FREM1: variants seen among roughly 807,000 people sequenced by gnomAD.
FREM1 encodes FRAS1 related extracellular matrix 1.
A neutral mutation model predicts 210.1 loss-of-function variants in FREM1; 220 were observed. That is an observed-to-expected ratio of 1.05 (90% CI 0.94 to 1.17). The LOEUF is 1.17. FREM1 is among the 50% of genes most tolerant of loss of function. The pLI, the probability that FREM1 is intolerant of heterozygous loss-of-function variation, is 0.00. For missense variants in FREM1, 3,454 were observed against 2,675.5 expected (o/e 1.29, Z -6.42); for synonymous variants, 1,189 against 980.2 (o/e 1.21, Z -3.98).
intron 8 of FREM1, among the ~76,000 whole-genome samples, chr9:14,843,217 G>C (rs1218339921): frequency 6.6e-6 from 1 of 152,100 alleles, no homozygotes; most frequent in South Asian, 2.1e-4. Context: ...TTGGGCCTTT[G>C]AACTCTGGAA....
At chr9:14,900,676 C>T (rs1316525767) in intron 1 of FREM1, among the ~76,000 whole-genome samples, 1 of 152,180 alleles carries the variant, frequency 6.6e-6, no homozygotes, top group African/African-American at 2.4e-5. Context: ...AGGGAGGCAT[C>T]ATGAGCAAAC....
intron 1 of FREM1, among the ~76,000 whole-genome samples, chr9:14,882,930 G>GAAAAAAAAAAAAAAAAA (rs1835070082): frequency 8.7e-4 from 15 of 17,168 alleles, no homozygotes; most frequent in African/African-American, 2.2e-3. Context: ...AAAAAAAAAG[G>GAAAAAAAAAAAAAAAAA]AATCACCCAT....
At chr9:14,803,336 T>TCC (rs1817707838) in intron 19 of FREM1, among the ~76,000 whole-genome samples, 3 of 80,300 alleles carry the variant, frequency 3.7e-5, no homozygotes, top group East Asian at 3.8e-4. Context: ...TCCCCTACCC[T>TCC]CCTCCTTCCT....
intron 8 of FREM1, among the ~76,000 whole-genome samples, chr9:14,845,169 T>G (rs568939881): frequency 2.0e-5 from 3 of 152,350 alleles, no homozygotes; most frequent in Admixed American, 2.0e-4. Flanking sequence ...GTGTAAATAT[T>G]ACTTTTATTA....
chr9:14,804,490 C>A (rs1308386223), intron 19 of FREM1, among the ~76,000 whole-genome samples: 2 of 152,170 alleles, frequency 1.3e-5, no homozygotes, highest in African/African-American at 2.4e-5. Flanking sequence ...GAGGCTGAGG[C>A]AGGAGAATGG....
At chr9:14,879,505 G>C (rs961998770) in intron 1 of FREM1, among the ~76,000 whole-genome samples, 1 of 152,168 alleles carries the variant, frequency 6.6e-6, no homozygotes, top group African/African-American at 2.4e-5. Flanking sequence ...AGAGATAAAA[G>C]CAACGTCTAC....
At chr9:14,902,478 T>C (rs745674251) in intron 1 of FREM1, among the ~76,000 whole-genome samples, 1 of 152,144 alleles carries the variant, frequency 6.6e-6, no homozygotes, top group Non-Finnish European at 1.5e-5. Flanking sequence ...AAAAGCAACT[T>C]ACAAAGCCAC....
intron 4 of FREM1, among the ~76,000 whole-genome samples, chr9:14,858,720 T>C (rs1402625491): frequency 6.6e-6 from 1 of 152,130 alleles, no homozygotes; most frequent in Non-Finnish European, 1.5e-5. Flanking sequence ...CATAAACTCT[T>C]CCTAATTTCG....
Position 14,863,997 on chromosome 9 carries a change from T to C in FREM1, c.235-94A>G. 3 of 761,810 alleles carry C rather than the reference T, an allele frequency of 3.9e-6. No homozygotes were observed. In the South Asian group the frequency reaches 4.4e-5, roughly 11 times the overall value. The allele number at this position is 761,810 out of a possible 1,614,324, so 47.2% of individuals were successfully genotyped here. On this transcript the variant is annotated intron_variant, in intron 2 of 36. Coordinates refer to ENST00000380880, the MANE Select transcript of FREM1 (RefSeq NM_001379081.2). ...AGAGCACTGCCTGGAGAAAATATGCTCTGTTAGTAATGTGTGTATGTGTGT... is the reference window on the plus strand; with the variant it reads ...AGAGCACTGCCTGGAGAAAATATGCCCTGTTAGTAATGTGTGTATGTGTGT...
intron 27 of FREM1, among the ~76,000 whole-genome samples, chr9:14,765,901 A>T (rs1180341034): frequency 6.6e-6 from 1 of 152,198 alleles, no homozygotes; most frequent in Non-Finnish European, 1.5e-5. Flanking sequence ...TATTAGGAAA[A>T]CAACTTTGGT....
chr9:14,815,348 G>C (rs1020594119), intron 15 of FREM1, among the ~76,000 whole-genome samples: 5 of 152,120 alleles, frequency 3.3e-5, no homozygotes, highest in African/African-American at 1.2e-4. Flanking sequence ...CTCCTTCACT[G>C]CTTCTTAAAA....
chr9:14,774,350 GC>G (rs1249593205), intron 25 of FREM1, among the ~76,000 whole-genome samples: 2 of 152,128 alleles, frequency 1.3e-5, no homozygotes, highest in African/African-American at 4.8e-5. Context: ...AAAGACTGAA[GC>G]CCCCCAAAAA....
intron 8 of FREM1, among the ~76,000 whole-genome samples, chr9:14,843,887 G>C (rs575440188): frequency 6.6e-6 from 1 of 152,328 alleles, no homozygotes; most frequent in African/African-American, 2.4e-5. Flanking sequence ...AAGAGCTAGA[G>C]CTCTAATATC....
chr9:14,818,249 G>C (rs1820661044), intron 14 of FREM1, among the ~76,000 whole-genome samples: 2 of 152,186 alleles, frequency 1.3e-5, no homozygotes, highest in African/African-American at 4.8e-5. Context: ...TACCTAAACA[G>C]GGCTCTCTAT....
chr9:14,861,182 T>C (rs1830341089), intron 3 of FREM1, among the ~76,000 whole-genome samples: 1 of 128,596 alleles, frequency 7.8e-6, no homozygotes. Context: ...TGTACATATA[T>C]ACACATATAT....
chr9:14,839,729 C>T (rs377764147), intron 10 of FREM1, among the ~76,000 whole-genome samples: 16 of 151,830 alleles, frequency 1.1e-4, no homozygotes, highest in East Asian at 3.9e-4. Context: ...TATATAACAA[C>T]GAAAGAAGAA....
chr9:14,813,178 T>A (rs1819712428), intron 15 of FREM1, 114 bp from the exon 16 acceptor site: 8 of 1,143,174 alleles, frequency 7.0e-6, no homozygotes, highest in Non-Finnish European at 9.8e-6. Context: ...TACAGACACA[T>A]GAAACAACAG....
At chr9:14,881,627 A>G (rs1397805140) in intron 1 of FREM1, among the ~76,000 whole-genome samples, 2 of 152,210 alleles carry the variant, frequency 1.3e-5, no homozygotes, top group Non-Finnish European at 2.9e-5. Flanking sequence ...TTCACTTATG[A>G]TAACTTAGTA....
At chr9:14,886,477 C>A (rs1342676548) in intron 1 of FREM1, among the ~76,000 whole-genome samples, 2 of 150,602 alleles carry the variant, frequency 1.3e-5, no homozygotes, top group African/African-American at 4.9e-5. Flanking sequence ...TCAGGATGAA[C>A]CCACCCAAAC....
Sources: allele counts gnomAD v4.1 joint callset (sites outside exome capture counted in the v4.1 genomes callset), GRCh38; gene constraint gnomAD v4.1.1; transcripts MANE v1.5; gene names NCBI Gene and HGNC (gene_info 2026-07-23, HGNC 2026-07-21).